Variants in COL4A1 observed in about 807,000 individuals in gnomAD.
COL4A1 encodes the protein collagen type IV alpha 1 chain.
Under a neutral mutation model 216.6 loss-of-function variants are expected in COL4A1, and 40 were observed. The observed-to-expected ratio is 0.18, with a 90% CI of 0.14 to 0.24. COL4A1 has a LOEUF of 0.24. Among genes scored for constraint, COL4A1 ranks in the 10% least tolerant of loss-of-function variants. The pLI, the probability that COL4A1 is intolerant of heterozygous loss-of-function variation, is 1.00. For synonymous variants in COL4A1, 839 were observed against 810.7 expected, an observed-to-expected ratio of 1.03 and a Z score of -0.59; for missense variants, 1,628 against 2,196.8, an observed-to-expected ratio of 0.74 and a Z score of 5.18.
chr13:110,298,438 C>A (rs1884360932), intron 1 of COL4A1, among the ~76,000 whole-genome samples: 1 of 152,170 alleles, frequency 6.6e-6, no homozygotes, highest in South Asian at 2.1e-4. Context: ...GATTCTGGAC[C>A]GGGTTTGTGT....
chr13:110,183,951 G>A (rs143965377), intron 26 of COL4A1, among the ~76,000 whole-genome samples: 29 of 152,274 alleles, frequency 1.9e-4, no homozygotes, highest in East Asian at 5.8e-4. Flanking sequence ...CTGAATCTTC[G>A]TACACCTCGT....
At chr13:110,233,336 A>G (rs1403279186) in intron 2 of COL4A1, among the ~76,000 whole-genome samples, 7 of 152,150 alleles carry the variant, frequency 4.6e-5, no homozygotes, top group Admixed American at 2.0e-4. Context: ...AACGCCAGAC[A>G]AAACACGGAA....
At chr13:110,159,231 T>C (rs1192198) in intron 49 of COL4A1, among the ~76,000 whole-genome samples, 34,750 of 150,502 alleles carry the variant, frequency 0.23, 4,956 homozygotes, top group African/African-American at 0.4. Context: ...GCATTTTCGA[T>C]GGGTACAATA....
At chr13:110,156,693 T>C (rs633133) in intron 49 of COL4A1, among the ~76,000 whole-genome samples, 132,391 of 152,286 alleles carry the variant, frequency 0.87, 57,600 homozygotes, top group East Asian at 0.95. Flanking sequence ...AAATTAAACG[T>C]CAACAGTGAA....
At chr13:110,191,401 C>T (rs1594565145) in intron 24 of COL4A1, 2 of 352,904 alleles carry the variant, frequency 5.7e-6, no homozygotes, top group African/African-American at 2.1e-5. Context: ...CCAGTCCATG[C>T]TCGCAAAGCT....
intron 17 of COL4A1, among the ~76,000 whole-genome samples, chr13:110,204,865 G>A (rs112444097): frequency 6.6e-5 from 10 of 152,172 alleles, no homozygotes; most frequent in South Asian, 2.1e-4. Flanking sequence ...TAAATACCAC[G>A]CAACAAAAGG....
chr13:110,241,761 T>G (rs1263458808), intron 2 of COL4A1, among the ~76,000 whole-genome samples: 1 of 152,236 alleles, frequency 6.6e-6, no homozygotes, highest in African/African-American at 2.4e-5. Flanking sequence ...CACAGAATTT[T>G]CTGTAAACTA....
chr13:110,246,694 G>C (rs613430), intron 1 of COL4A1, among the ~76,000 whole-genome samples: 121,364 of 152,210 alleles, frequency 0.8, 48,711 homozygotes, highest in East Asian at 0.92. Context: ...GCATTCTCCC[G>C]GTGTCTGGAT....
At chr13:110,283,534 C>G (rs552089904) in intron 1 of COL4A1, among the ~76,000 whole-genome samples, 30 of 152,360 alleles carry the variant, frequency 2.0e-4, no homozygotes, top group African/African-American at 7.2e-4. Flanking sequence ...ACATGTGCAC[C>G]TGCACACACC....
At chr13:110,172,044 G>A (rs1361011058) in intron 41 of COL4A1, among the ~76,000 whole-genome samples, 1 of 152,242 alleles carries the variant, frequency 6.6e-6, no homozygotes, top group Non-Finnish European at 1.5e-5. Flanking sequence ...CTCCTTCTCA[G>A]CTGAAGTCCA....
In COL4A1 at chr13:110,212,657, G is replaced by A. The variant is rs765421027; in HGVS notation, c.280-39C>T. On this transcript the variant is annotated intron_variant, in intron 4 of 51. Coordinates refer to ENST00000375820, the MANE Select transcript of COL4A1 (RefSeq NM_001845.6). ...AGTAAAAGCGTGTCAGTGAAGAGCC[G>A]GGAAGCCTCACTTCCTCCTCCTGCA... The A allele has an allele frequency of 2.6e-5, 42 of 1,611,472 alleles. No individual in the cohort carries two copies. The Middle Eastern group carries it at 6.0e-4, about 23-fold the overall frequency.
chr13:110,163,699 G>T, intron 46 of COL4A1, 138 bp from the exon 47 acceptor site: 3 of 825,860 alleles, frequency 3.6e-6, no homozygotes, highest in Non-Finnish European at 2.0e-6. Context: ...TTCTCGGACA[G>T]CCAGGAGTTG....
chr13:110,278,615 G>T (rs2139297505), intron 1 of COL4A1, among the ~76,000 whole-genome samples: 1 of 152,050 alleles, frequency 6.6e-6, no homozygotes, highest in Middle Eastern at 3.4e-3. Context: ...TTTTAAAAAG[G>T]CTTTCCTCCC....
intron 50 of COL4A1, among the ~76,000 whole-genome samples, chr13:110,154,601 G>A (rs1323691713): frequency 1.3e-5 from 2 of 152,260 alleles, no homozygotes; most frequent in Admixed American, 6.5e-5. Context: ...ATATAGAGAA[G>A]TTGGTCACAT....
intron 2 of COL4A1, among the ~76,000 whole-genome samples, chr13:110,219,843 T>C (rs1452733606): frequency 1.9e-5 from 2 of 103,696 alleles, no homozygotes; most frequent in Non-Finnish European, 3.8e-5. Flanking sequence ...TATGTATATA[T>C]GTGTATATAT....
At chr13:110,232,218 T>C (rs891147275) in intron 2 of COL4A1, among the ~76,000 whole-genome samples, 2 of 152,222 alleles carry the variant, frequency 1.3e-5, no homozygotes, top group African/African-American at 4.8e-5. Context: ...TTTTACCATG[T>C]TTAATGGATT....
In COL4A1 at chr13:110,291,273, CT is replaced by C. The variant is rs759858237; in HGVS notation, c.84+15670del. On this transcript the variant is annotated intron_variant, in intron 1 of 51. Transcript: ENST00000375820. ...CACTAAATTCATCTAAACTCTTGAT[CT>C]TGTCTTTTCATTTCTTCAGCATTTC... Among the ~76,000 whole-genome samples the C allele has an allele frequency of 2.6e-5, 4 of 152,198 alleles. No individual in the cohort carries two copies. The East Asian group carries it at 5.8e-4, about 22-fold the overall frequency.
chr13:110,200,746 A>AT, intron 20 of COL4A1, 108 bp downstream of exon 20: 1 of 1,185,912 alleles, frequency 8.4e-7, no homozygotes, highest in Non-Finnish European at 1.2e-6. Context: ...TAAGATTGCT[A>AT]CCGATTGTGT....
chr13:110,297,242 A>G (rs919098966), intron 1 of COL4A1, among the ~76,000 whole-genome samples: 2 of 152,210 alleles, frequency 1.3e-5, no homozygotes, highest in Admixed American at 1.3e-4. Context: ...GCCAGCCACC[A>G]GTCAACTCAT....
Sources: allele counts gnomAD v4.1 joint callset (sites outside exome capture counted in the v4.1 genomes callset), GRCh38; gene constraint gnomAD v4.1.1; transcripts MANE v1.5; gene names NCBI Gene and HGNC (gene_info 2026-07-23, HGNC 2026-07-21).